The following OTUD7A variants were observed in gnomAD, a reference collection of about 807,000 sequenced individuals.
OTUD7A encodes the protein OTU deubiquitinase 7A.
A neutral mutation model predicts 65.7 loss-of-function variants in OTUD7A; 12 were observed. The observed-to-expected ratio is 0.18, with a 90% CI of 0.12 to 0.30. The LOEUF (loss-of-function observed/expected upper bound fraction) is 0.30. Ranked by LOEUF, OTUD7A falls within the 10% of genes least tolerant of loss-of-function variation. OTUD7A has a pLI of 1.00. For missense variants in OTUD7A, 1,148 were observed against 1,304.8 expected, an observed-to-expected ratio of 0.88 and a Z score of 1.85; for synonymous variants, 641 against 586.3, an observed-to-expected ratio of 1.09 and a Z score of -1.35.
At chr15:31,820,195 C>G (rs1375607318) in intron 1 of OTUD7A, among the ~76,000 whole-genome samples, 1 of 152,168 alleles carries the variant, frequency 6.6e-6, no homozygotes, top group Non-Finnish European at 1.5e-5. Flanking sequence ...GGCAATGGAG[C>G]ATATAAATTA....
chr15:31,480,827 G>A lies in OTUD7A; in HGVS notation c.*2467C>T, dbSNP rs952593260. 5 of 152,264 alleles carry A rather than the reference G, an allele frequency of 3.3e-5. No individual in the cohort carries two copies. Among genetic ancestry groups the A allele is most frequent in the Admixed American group, 2.6e-4 (4 of 15,292 alleles). The allele number at this position is 152,264 out of a possible 1,614,324, so 9.4% of individuals were successfully genotyped here. ...CTGAGTGGTAATGTATCAGCCTGGA[G>A]CAGGTGTCTACAGGCGTCTGGCGCC... On this transcript the variant is annotated 3_prime_UTR_variant, in exon 13 of 13. Transcript: ENST00000307050.
chr15:31,689,019 A>C (rs568050171), intron 1 of OTUD7A, among the ~76,000 whole-genome samples: 2,021 of 151,184 alleles, frequency 0.013, 33 homozygotes, highest in African/African-American at 0.047. Flanking sequence ...TAGTGTGTTA[A>C]GATAATGGCA....
rs545865998 is a variant in OTUD7A, at chr15:31,725,378, C to T, written c.-99-68301G>A. 9.4e-4 allele frequency among the ~76,000 whole-genome samples: 143 copies of T among 152,246 alleles called. 1 individual carries two copies. The highest frequency in any genetic ancestry group is 3.3e-3 in the African/African-American group (136 of 41,542). ...TTGTGTGGGTGTGACTGTATGGTTG[C>T]GTGGTATCAGCTAACTTGTTCTTTT... On this transcript the variant is annotated intron_variant, in intron 1 of 12. Coordinates refer to ENST00000307050, the MANE Select transcript of OTUD7A (RefSeq NM_001382637.1).
intron 8 of OTUD7A, among the ~76,000 whole-genome samples, chr15:31,524,602 C>T (rs1477840696): frequency 6.8e-6 from 1 of 147,406 alleles, no homozygotes; most frequent in Non-Finnish European, 1.5e-5. Context: ...CCTGCCTCAT[C>T]TCTCCATTCT....
chr15:31,855,956 G>C (rs1207092323), intron 1 of OTUD7A, among the ~76,000 whole-genome samples: 1 of 152,178 alleles, frequency 6.6e-6, no homozygotes, highest in Admixed American at 6.5e-5. Context: ...GAGTGGCCGG[G>C]GGACATTACT....
intron 3 of OTUD7A, among the ~76,000 whole-genome samples, chr15:31,573,370 C>T (rs1353931511): frequency 6.6e-6 from 1 of 152,168 alleles, no homozygotes; most frequent in African/African-American, 2.4e-5. Context: ...AGAGGATGAA[C>T]TCCAGCCAAT....
At chr15:31,652,683 C>T (rs1004373531) in intron 3 of OTUD7A, among the ~76,000 whole-genome samples, 7 of 149,128 alleles carry the variant, frequency 4.7e-5, no homozygotes, top group African/African-American at 1.2e-4. Context: ...AGACATTTCA[C>T]GAAAGAGAAT....
chr15:31,778,246 A>G (rs1334159840), intron 1 of OTUD7A, among the ~76,000 whole-genome samples: 1 of 152,202 alleles, frequency 6.6e-6, no homozygotes, highest in Non-Finnish European at 1.5e-5. Context: ...TCCGGGGGTC[A>G]GCAGGGATGG....
chr15:31,588,352 C>T (rs147569733), intron 3 of OTUD7A, among the ~76,000 whole-genome samples: 4 of 152,148 alleles, frequency 2.6e-5, no homozygotes, highest in Admixed American at 2.6e-4. Flanking sequence ...CAGGTGCAGA[C>T]ATGCATGGCA....
intron 1 of OTUD7A, among the ~76,000 whole-genome samples, chr15:31,732,993 G>A (rs1272309825): frequency 6.6e-6 from 1 of 152,076 alleles, no homozygotes; most frequent in Non-Finnish European, 1.5e-5. Flanking sequence ...CCTTCACACA[G>A]CAGACAAAAC....
intron 3 of OTUD7A, among the ~76,000 whole-genome samples, chr15:31,634,561 G>A (rs544019910): frequency 3.1e-4 from 47 of 152,280 alleles, no homozygotes; most frequent in African/African-American, 8.4e-4. Context: ...CTTCCTTCAC[G>A]GAGCTCTGTG....
chr15:31,820,466 T>C (rs17604629), intron 1 of OTUD7A, among the ~76,000 whole-genome samples: 47,305 of 152,116 alleles, frequency 0.31, 8,194 homozygotes, highest in South Asian at 0.56. Flanking sequence ...TAAACTGACA[T>C]TGATGCAATC....
In OTUD7A at chr15:31,860,677, G is replaced by GTATATGTATATATATA. The variant is rs1555425283; in HGVS notation, c.-100+9829_-100+9830insTATATATATACATATA. 3.0e-4 allele frequency among the ~76,000 whole-genome samples: 22 copies of GTATATGTATATATATA among 73,282 alleles called. 1 individual carries two copies. The highest frequency in any genetic ancestry group is 1.0e-3 in the African/African-American group (22 of 21,600). The allele number at this position is 73,282 out of a possible 152,430, so 48.1% of individuals were successfully genotyped here. ...TGTGTGTATATATAGATGTATGTGT[G>GTATATGTATATATATA]TATATATATATATATATATATATGT... On this transcript the variant is annotated intron_variant, in intron 1 of 12. Transcript: ENST00000307050.
chr15:31,741,785 C>G (rs1402742120), intron 1 of OTUD7A, among the ~76,000 whole-genome samples: 2 of 151,356 alleles, frequency 1.3e-5, no homozygotes, highest in Non-Finnish European at 3.0e-5. Context: ...GGAAAAATAG[C>G]AAAATAAACA....
intron 1 of OTUD7A, among the ~76,000 whole-genome samples, chr15:31,855,768 C>T (rs1270073000): frequency 1.3e-5 from 2 of 152,196 alleles, no homozygotes; most frequent in South Asian, 2.1e-4. Context: ...TGAGCAGATG[C>T]CAACCCTAAA....
intron 10 of OTUD7A, among the ~76,000 whole-genome samples, chr15:31,488,137 G>A (rs2041266644): frequency 6.6e-6 from 1 of 152,198 alleles, no homozygotes; most frequent in Non-Finnish European, 1.5e-5. Context: ...ATAATGTCAG[G>A]TGGTGATGAG....
chr15:31,800,953 G>A (rs1896105818), intron 1 of OTUD7A, among the ~76,000 whole-genome samples: 1 of 151,446 alleles, frequency 6.6e-6, no homozygotes, highest in Non-Finnish European at 1.5e-5. Context: ...ATGCTCTCAG[G>A]GTCTCTGCAT....
At chr15:31,669,922 C>G (rs977691904) in intron 1 of OTUD7A, among the ~76,000 whole-genome samples, 6 of 148,718 alleles carry the variant, frequency 4.0e-5, no homozygotes, top group Non-Finnish European at 5.9e-5. Context: ...TTCAATTTCT[C>G]CATTGGGGGT....
At chr15:31,749,792 A>G (rs1388514106) in intron 1 of OTUD7A, among the ~76,000 whole-genome samples, 2 of 152,160 alleles carry the variant, frequency 1.3e-5, no homozygotes, top group Non-Finnish European at 2.9e-5. Flanking sequence ...CGTGAATGAC[A>G]TAATTCCATA....
Sources: gnomAD v4.1 joint callset for allele counts (sites outside exome capture counted in the v4.1 genomes callset) on GRCh38, gnomAD v4.1.1 for gene constraint, MANE v1.5 for transcripts, NCBI Gene and HGNC (gene_info 2026-07-23, HGNC 2026-07-21) for gene names.